Variants in HPSE2 observed in about 807,000 individuals in gnomAD.
The protein encoded by HPSE2 is inactive heparanase-2.
Under a neutral mutation model 60.5 loss-of-function variants are expected in HPSE2, and 38 were observed. That is an observed-to-expected ratio of 0.63 (90% confidence interval 0.48 to 0.82). The LOEUF (loss-of-function observed/expected upper bound fraction) is 0.82. Among genes scored for constraint, HPSE2 ranks in the 40% least tolerant of loss-of-function variants. HPSE2 has a pLI of 0.00. For missense variants in HPSE2, 713 were observed against 740.4 expected (o/e 0.96, Z 0.43); for synonymous variants, 295 against 293.2 (o/e 1.01, Z -0.06).
chr10:99,199,019 C>T (rs778614794), intron 2 of HPSE2, among the ~76,000 whole-genome samples: 28 of 152,144 alleles, frequency 1.8e-4, no homozygotes, highest in Non-Finnish European at 3.4e-4. Flanking sequence ...TATGACAAAA[C>T]TGCTTTCTTT....
intron 3 of HPSE2, among the ~76,000 whole-genome samples, chr10:98,872,573 T>C (rs1292889076): frequency 6.6e-6 from 1 of 152,118 alleles, no homozygotes; most frequent in Non-Finnish European, 1.5e-5. Flanking sequence ...ATCTGTAAAA[T>C]CTCAGGTCTG....
At chr10:99,090,208 T>A (rs1843464575) in intron 3 of HPSE2, among the ~76,000 whole-genome samples, 1 of 152,142 alleles carries the variant, frequency 6.6e-6, no homozygotes, top group Non-Finnish European at 1.5e-5. Context: ...GTATCCTATT[T>A]AGAACTGAAT....
At chr10:98,496,057 G>C (rs910645844) in intron 9 of HPSE2, among the ~76,000 whole-genome samples, 1 of 152,066 alleles carries the variant, frequency 6.6e-6, no homozygotes, top group Non-Finnish European at 1.5e-5. Flanking sequence ...TTTGGTGTGT[G>C]TGTGTGTGTA....
chr10:99,064,883 T>C (rs1842565470), intron 3 of HPSE2, among the ~76,000 whole-genome samples: 1 of 152,108 alleles, frequency 6.6e-6, no homozygotes, highest in Non-Finnish European at 1.5e-5. Context: ...ATTCTAGATT[T>C]AAAATACAGA....
chr10:99,128,509 G>T (rs1845252805), intron 3 of HPSE2, among the ~76,000 whole-genome samples: 1 of 152,104 alleles, frequency 6.6e-6, no homozygotes, highest in Non-Finnish European at 1.5e-5. Flanking sequence ...CCATAAAAAG[G>T]AATGAGATCA....
At chr10:98,466,988 C>A (rs1940562284) in intron 11 of HPSE2, among the ~76,000 whole-genome samples, 1 of 152,216 alleles carries the variant, frequency 6.6e-6, no homozygotes, top group African/African-American at 2.4e-5. Context: ...CTCCCTTCCA[C>A]CCCCACCTCC....
At chr10:98,736,420 A>G (rs1038402528) in intron 4 of HPSE2, among the ~76,000 whole-genome samples, 3 of 152,150 alleles carry the variant, frequency 2.0e-5, no homozygotes, top group Non-Finnish European at 4.4e-5. Flanking sequence ...TTCTGTAACT[A>G]TCTAACTGTG....
chr10:99,289,447 A>G, the HPSE2 span, among the ~76,000 whole-genome samples: 2 of 152,050 alleles, frequency 1.3e-5, no homozygotes, highest in Non-Finnish European at 2.9e-5. Flanking sequence ...GGCAATTTTT[A>G]GCAATAAAAA....
intron 9 of HPSE2, among the ~76,000 whole-genome samples, chr10:98,559,704 C>T (rs183496358): frequency 6.6e-6 from 1 of 152,286 alleles, no homozygotes; most frequent in East Asian, 1.9e-4. Context: ...CCTGAGGTCC[C>T]TACCCTCTGA....
intron 6 of HPSE2, among the ~76,000 whole-genome samples, chr10:98,661,136 G>A (rs953222276): frequency 2.6e-5 from 4 of 152,186 alleles, no homozygotes; most frequent in East Asian, 1.9e-4. Flanking sequence ...TCACAAGCCC[G>A]ATGCAGGCTG....
chr10:98,732,479 A>G (rs1331848235), intron 4 of HPSE2, among the ~76,000 whole-genome samples: 1 of 152,172 alleles, frequency 6.6e-6, no homozygotes, highest in Non-Finnish European at 1.5e-5. Flanking sequence ...AAACAAAACT[A>G]TGTATGGTCA....
chr10:98,539,382 G>A lies in HPSE2; in HGVS notation c.1321-49186C>T, dbSNP rs144917945. Among the ~76,000 whole-genome samples, 6 of 152,240 alleles carry A rather than the reference G, an allele frequency of 3.9e-5. No homozygotes were observed. In the East Asian group the frequency reaches 9.7e-4, roughly 25 times the overall value. On this transcript the variant is annotated intron_variant, in intron 9 of 11. Coordinates refer to ENST00000370552, the MANE Select transcript of HPSE2 (RefSeq NM_021828.5). ...ACTAAAAATACAACATTAGCCGGGC[G>A]TGGTGGTGCATGCCTGTAATCCCAA...
At chr10:98,892,471 A>C (rs1194924215) in intron 3 of HPSE2, among the ~76,000 whole-genome samples, 1 of 152,174 alleles carries the variant, frequency 6.6e-6, no homozygotes, top group African/African-American at 2.4e-5. Context: ...TATCATGTTC[A>C]AGACATGGGA....
At chr10:98,597,225 C>G (rs1945263975) in intron 9 of HPSE2, among the ~76,000 whole-genome samples, 1 of 152,118 alleles carries the variant, frequency 6.6e-6, no homozygotes, top group Non-Finnish European at 1.5e-5. Context: ...GGGACACAGC[C>G]AAACAATATC....
At chr10:98,874,544 T>C (rs1165235647) in intron 3 of HPSE2, among the ~76,000 whole-genome samples, 1 of 152,134 alleles carries the variant, frequency 6.6e-6, no homozygotes. Context: ...TATAGAATCA[T>C]GTTGTCTGCA....
chr10:98,809,682 A>G (rs1377341341), intron 3 of HPSE2, among the ~76,000 whole-genome samples: 2 of 152,164 alleles, frequency 1.3e-5, no homozygotes, highest in African/African-American at 2.4e-5. Flanking sequence ...AATTTTAAAA[A>G]TAAAATCATA....
chr10:98,704,682 T>A (rs993500373), intron 5 of HPSE2, among the ~76,000 whole-genome samples: 1 of 152,094 alleles, frequency 6.6e-6, no homozygotes, highest in Non-Finnish European at 1.5e-5. Flanking sequence ...TTTAATATAT[T>A]GTGCTGGGAA....
At chr10:98,984,023 G>C (rs1376013579) in intron 3 of HPSE2, among the ~76,000 whole-genome samples, 1 of 152,198 alleles carries the variant, frequency 6.6e-6, no homozygotes, top group East Asian at 1.9e-4. Context: ...GCCCACGGCA[G>C]CTCAAGGAGG....
chr10:99,233,797 G>C (rs1849748167), intron 1 of HPSE2, among the ~76,000 whole-genome samples: 1 of 152,126 alleles, frequency 6.6e-6, no homozygotes, highest in African/African-American at 2.4e-5. Context: ...CAGTCAGGGC[G>C]TCGCGTGGGC....
Sources: gnomAD v4.1 joint callset for allele counts (sites outside exome capture counted in the v4.1 genomes callset) on GRCh38, gnomAD v4.1.1 for gene constraint, MANE v1.5 for transcripts, NCBI Gene and HGNC (gene_info 2026-07-23, HGNC 2026-07-21) for gene names.